Variants in RCAN2 observed in about 807,000 individuals in gnomAD.
RCAN2 encodes the protein regulator of calcineurin 2, also known as calcipressin-2.
A neutral mutation model predicts 23.6 loss-of-function variants in RCAN2; 9 were observed. The observed-to-expected ratio is 0.38, with a 90% confidence interval of 0.23 to 0.67. The LOEUF (loss-of-function observed/expected upper bound fraction) is 0.67. Among genes scored for constraint, RCAN2 ranks in the 30% least tolerant of loss-of-function variants. The probability of loss-of-function intolerance (pLI) is 0.51; values close to 1 mark genes in which losing one functional copy is unlikely to be tolerated. For missense variants in RCAN2, 273 were observed against 302.3 expected, an observed-to-expected ratio of 0.90 and a Z score of 0.72; for synonymous variants, 109 against 115.7, an observed-to-expected ratio of 0.94 and a Z score of 0.37.
intron 2 of RCAN2, among the ~76,000 whole-genome samples, chr6:46,295,958 CT>C (rs796327727): frequency 0.016 from 2,242 of 142,192 alleles, 20 homozygotes; most frequent in African/African-American, 0.023. Flanking sequence ...AATGAGCAAA[CT>C]TTTTTTTTTT....
chr6:46,333,927 G>A (rs1764062871), intron 2 of RCAN2, among the ~76,000 whole-genome samples: 1 of 152,192 alleles, frequency 6.6e-6, no homozygotes, highest in African/African-American at 2.4e-5. Flanking sequence ...TGAGCAAGGT[G>A]TTAAGGTTTG....
chr6:46,295,000 T>G (rs905218440), intron 2 of RCAN2, among the ~76,000 whole-genome samples: 1 of 152,040 alleles, frequency 6.6e-6, no homozygotes, highest in African/African-American at 2.4e-5. Context: ...AGAGAAAATG[T>G]GTGGGTCTGG....
At chr6:46,255,428 G>C (rs1766874482) in intron 2 of RCAN2, among the ~76,000 whole-genome samples, 1 of 152,186 alleles carries the variant, frequency 6.6e-6, no homozygotes, top group African/African-American at 2.4e-5. Context: ...TCAAGGTTCT[G>C]GATGAGTTAG....
chr6:46,255,733 G>A (rs1458835776), intron 2 of RCAN2, among the ~76,000 whole-genome samples: 2 of 152,122 alleles, frequency 1.3e-5, no homozygotes, highest in Admixed American at 1.3e-4. Context: ...TGAGAAACAG[G>A]AGGAGTGACC....
At chr6:46,296,303 G>A (rs1033612796) in intron 2 of RCAN2, among the ~76,000 whole-genome samples, 1 of 152,000 alleles carries the variant, frequency 6.6e-6, no homozygotes, top group African/African-American at 2.4e-5. Context: ...TCAAAAGAGT[G>A]GAGGGTCATT....
intron 2 of RCAN2, among the ~76,000 whole-genome samples, chr6:46,448,143 A>G (rs1431078311): frequency 6.6e-6 from 1 of 151,878 alleles, no homozygotes; most frequent in East Asian, 1.9e-4. Flanking sequence ...CAGAAATGAA[A>G]GAGGAGACAA....
chr6:46,260,183 T>A (rs1283421406), intron 2 of RCAN2, among the ~76,000 whole-genome samples: 1 of 152,200 alleles, frequency 6.6e-6, no homozygotes, highest in Non-Finnish European at 1.5e-5. Flanking sequence ...GGGCCCCTAG[T>A]GTTCTCATTA....
chr6:46,252,939 C>G (rs756785514), intron 2 of RCAN2, among the ~76,000 whole-genome samples: 1 of 152,172 alleles, frequency 6.6e-6, no homozygotes, highest in Non-Finnish European at 1.5e-5. Context: ...GTAGTAGTTT[C>G]TTAAAGTGTA....
intron 1 of RCAN2, among the ~76,000 whole-genome samples, chr6:46,487,983 AT>A (rs1186919621): frequency 6.6e-6 from 1 of 152,180 alleles, no homozygotes; most frequent in African/African-American, 2.4e-5. Context: ...GAATATACAG[AT>A]TTAAAATAAC....
At chr6:46,459,542 T>C (rs1242943380) in intron 1 of RCAN2, among the ~76,000 whole-genome samples, 1 of 152,222 alleles carries the variant, frequency 6.6e-6, no homozygotes, top group East Asian at 1.9e-4. Context: ...AGTAAAGATT[T>C]AAGGGTGAAT....
intron 2 of RCAN2, among the ~76,000 whole-genome samples, chr6:46,409,777 A>G (rs1269704353): frequency 6.6e-6 from 1 of 152,232 alleles, no homozygotes; most frequent in Non-Finnish European, 1.5e-5. Flanking sequence ...TATGAGTTTG[A>G]TATGAGATAT....
chr6:46,345,904 TTTAAA>T (rs1443875741), intron 2 of RCAN2, among the ~76,000 whole-genome samples: 1 of 152,184 alleles, frequency 6.6e-6, no homozygotes, highest in East Asian at 1.9e-4. Flanking sequence ...AACATGCTCT[TTTAAA>T]GTAAATGAAC....
At chr6:46,224,631 C>T (rs896704370) in intron 4 of RCAN2, among the ~76,000 whole-genome samples, 1 of 152,134 alleles carries the variant, frequency 6.6e-6, no homozygotes, top group Non-Finnish European at 1.5e-5. Context: ...AAGCTAGACC[C>T]GATGCAGCCC....
At chr6:46,327,678 TA>T (rs1189060962) in intron 2 of RCAN2, among the ~76,000 whole-genome samples, 1 of 152,268 alleles carries the variant, frequency 6.6e-6, no homozygotes, top group Non-Finnish European at 1.5e-5. Flanking sequence ...TGGCATATCC[TA>T]AAATTTATTT....
At chr6:46,427,595 A>G (rs1265676062) in intron 2 of RCAN2, among the ~76,000 whole-genome samples, 1 of 152,242 alleles carries the variant, frequency 6.6e-6, no homozygotes, top group Non-Finnish European at 1.5e-5. Context: ...GAGTAAATAA[A>G]TAATGACATA....
intron 2 of RCAN2, among the ~76,000 whole-genome samples, chr6:46,449,531 C>T (rs1331363305): frequency 6.7e-6 from 1 of 149,712 alleles, no homozygotes; most frequent in Non-Finnish European, 1.5e-5. Flanking sequence ...CCACAAAGGA[C>T]TCTGAATAGC....
intron 1 of RCAN2, among the ~76,000 whole-genome samples, chr6:46,479,932 A>G (rs748496566): frequency 3.9e-5 from 6 of 152,290 alleles, no homozygotes; most frequent in Admixed American, 1.3e-4. Context: ...TGTGCCATGC[A>G]GTCATATAGC....
intron 2 of RCAN2, among the ~76,000 whole-genome samples, chr6:46,257,411 CCTGAGA>C (rs1303612847): frequency 6.6e-6 from 1 of 152,024 alleles, no homozygotes; most frequent in Non-Finnish European, 1.5e-5. Flanking sequence ...TAAAGAAATA[CCTGAGA>C]CTGGGTAATT....
intron 4 of RCAN2, among the ~76,000 whole-genome samples, chr6:46,240,402 T>C (rs142963038): frequency 2.2e-4 from 33 of 152,306 alleles, no homozygotes; most frequent in Non-Finnish European, 2.9e-4. Flanking sequence ...TCCATAGTGA[T>C]GGAAGATAGA....
Sources: gnomAD v4.1 joint callset for allele counts (sites outside exome capture counted in the v4.1 genomes callset) on GRCh38, gnomAD v4.1.1 for gene constraint, MANE v1.5 for transcripts, NCBI Gene and HGNC (gene_info 2026-07-23, HGNC 2026-07-21) for gene names.